TAF1D: variants seen among roughly 807,000 people sequenced by gnomAD.
The protein encoded by TAF1D is TATA-box binding protein associated factor, RNA polymerase I subunit D.
A neutral mutation model predicts 26.2 loss-of-function variants in TAF1D; 23 were observed. The ratio of observed to expected loss-of-function variants is 0.88; its 90% CI spans 0.63 to 1.25. The LOEUF is 1.25. Ranked by LOEUF, TAF1D falls within the 50% of genes most tolerant of loss-of-function variation. TAF1D has a pLI of 0.00. For missense variants in TAF1D, 299 were observed against 322.0 expected (o/e 0.93, Z 0.55); for synonymous variants, 100 against 105.6 (o/e 0.95, Z 0.33).
downstream of TAF1D, chr11:93,732,743 A>G (rs150955054): frequency 2.6e-3 from 584 of 225,448 alleles, 4 homozygotes; most frequent in Middle Eastern, 0.017. Flanking sequence ...CAGATCAGAC[A>G]ACAAACGTCA....
chr11:93,736,415 G>T (rs1481104119), intron 5 of TAF1D, 111 bp from the exon 6 acceptor site: 2 of 1,430,264 alleles, frequency 1.4e-6, no homozygotes, highest in South Asian at 3.1e-5. Flanking sequence ...ACTACATGTA[G>T]ATGTTAAAAA....
At chr11:93,735,171 A>G (rs1940465560), downstream of TAF1D, 2 of 1,351,926 alleles carry the variant, frequency 1.5e-6, no homozygotes, top group African/African-American at 3.0e-5. Flanking sequence ...GTTGCAAAAG[A>G]GGATTTATTT....
At chr11:93,739,169 A>C (rs1230118054) in intron 2 of TAF1D, 68 bp downstream of exon 2, 1 of 1,249,354 alleles carries the variant, frequency 8.0e-7, no homozygotes, top group East Asian at 2.4e-5. Flanking sequence ...AATTATCTTT[A>C]CTGTCACTCA....
At chr11:93,741,182 G>A (rs891878941) in intron 1 of TAF1D, 140 bp downstream of exon 1, 17 of 372,702 alleles carry the variant, frequency 4.6e-5, no homozygotes, top group Non-Finnish European at 7.4e-5. Context: ...AGTGGCCTGC[G>A]GCCGTGATCC....
At chr11:93,734,601 G>T, downstream of TAF1D, 1 of 614,172 alleles carries the variant, frequency 1.6e-6, no homozygotes, top group Non-Finnish European at 2.7e-6. Context: ...CAAATATGAT[G>T]TGAAAACTCA....
rs377714682 is a variant in TAF1D, at chr11:93,738,091, T to C, written c.459+18A>G. The C allele has an allele frequency of 7.2e-6, 11 of 1,532,718 alleles. No individual in the cohort carries two copies. The highest frequency in any genetic ancestry group is 7.0e-5 in the African/African-American group (5 of 71,906). The allele number at this position is 1,532,718 out of a possible 1,614,324, so 94.9% of individuals were successfully genotyped here. The stretch of plus-strand genomic sequence containing the variant: ...ATCTTGAGTTATGTGTAGCCATGTA[T>C]GTAAAATGCTGACTCACCTCAAACG... On this transcript the variant is annotated intron_variant, in intron 3 of 5. Transcript: ENST00000448108.
chr11:93,738,157 T>C lies in TAF1D; in HGVS notation c.411A>G (p.Glu137=). 6.4e-7 allele frequency: 1 copy of C among 1,568,774 alleles called. No individual in the cohort carries two copies. Among genetic ancestry groups the C allele is most frequent in the African/African-American group, 1.4e-5 (1 of 72,074 alleles). Residue 137 remains glutamate (E), a synonymous_variant, in exon 3 of 6, where the codon GAA becomes GAG. Coordinates refer to ENST00000448108, the MANE Select transcript of TAF1D (RefSeq NM_024116.4). ...RSRGSGFPFL[E]SENEKNAPWR... ...AAGGTGCGTTTTTTTCATTCTCTGA[T>C]TCTAAAAATGGGAAGCCAGATCCTC...
chr11:93,739,961 C>CAAAAGAAAA (rs1565245698), intron 1 of TAF1D, among the ~76,000 whole-genome samples: 4 of 82,396 alleles, frequency 4.9e-5, no homozygotes, highest in Admixed American at 1.5e-4. Flanking sequence ...TACAACATAC[C>CAAAAGAAAA]AAAAAAAAAA....
exon 12 of TAF1D, chr11:93,730,291 G>GT (rs1565233694): frequency 6.7e-7 from 1 of 1,500,632 alleles, no homozygotes; most frequent in Non-Finnish European, 9.1e-7. Context: ...TAGTGTAAAG[G>GT]TTTTTTAATT....
chr11:93,737,037 C>T (rs1940948082), intron 4 of TAF1D, 27 bp downstream of exon 4: 1 of 1,534,114 alleles, frequency 6.5e-7, no homozygotes, highest in South Asian at 1.3e-5. Context: ...AACCTATTAC[C>T]AAAGTATTTC....
At position 93,738,145 on chromosome 11, in the gene TAF1D, T is replaced by C. The variant is rs774207047; in HGVS notation, c.423A>G (p.Glu141=). 24 of 1,565,516 alleles carry C rather than the reference T, an allele frequency of 1.5e-5. No homozygotes were observed. The South Asian group carries it at 2.9e-4, about 19-fold the overall frequency. Residue 141 remains glutamate (E), a synonymous_variant, in exon 3 of 6, where the codon GAA becomes GAG. Transcript: ENST00000448108. ...SGFPFLESEN[E]KNAPWRKILT... is the part of the protein sequence containing the mutation. ...AAATTTTTCTCCAAGGTGCGTTTTT[T>C]TCATTCTCTGATTCTAAAAATGGGA...
In TAF1D at chr11:93,738,466, A is replaced by C. The variant is rs1941190110; in HGVS notation, c.102T>G (p.Thr34=). 1 of 1,578,972 alleles carries C rather than the reference A, an allele frequency of 6.3e-7. No individual in the cohort carries two copies. Among genetic ancestry groups the C allele is most frequent in the Admixed American group, 2.0e-5 (1 of 49,424 alleles). ...DNSSDSSLFK[T]QCIPYSPKGE... ...CTTTAGGTGAGTAAGGGATACACTGAGTTTTAAATAAGCTGCTATCAGAAG... is the reference window on the plus strand; with the variant it reads ...CTTTAGGTGAGTAAGGGATACACTGCGTTTTAAATAAGCTGCTATCAGAAG... The change falls in exon 3 of 6, where the codon ACT becomes ACG. Residue 34 remains threonine (T), a synonymous_variant. Transcript: ENST00000448108.
downstream of TAF1D, chr11:93,735,187 A>G: frequency 7.4e-7 from 1 of 1,352,068 alleles, no homozygotes; most frequent in Non-Finnish European, 9.8e-7. Flanking sequence ...TATTTTTTGC[A>G]CCTATCTGTA....
downstream of TAF1D, chr11:93,735,433 A>G: frequency 1.4e-6 from 1 of 698,232 alleles, no homozygotes; most frequent in Non-Finnish European, 1.8e-6. Context: ...CTATAATCCC[A>G]GCATTTTGGG....
intron 1 of TAF1D, among the ~76,000 whole-genome samples, chr11:93,740,803 A>T (rs694699): frequency 0.35 from 53,772 of 151,914 alleles, 10,019 homozygotes; most frequent in South Asian, 0.49. Flanking sequence ...AATTTTTTTT[A>T]AAAGTAGGGA....
chr11:93,735,913 A>G lies in TAF1D; in HGVS notation c.*248T>C. 1 of 1,256,504 alleles carries G rather than the reference A, an allele frequency of 8.0e-7. No homozygotes were observed. Among genetic ancestry groups the G allele is most frequent in the African/African-American group, 1.6e-5 (1 of 63,408 alleles). The allele number at this position is 1,256,504 out of a possible 1,614,324, so 77.8% of individuals were successfully genotyped here. ...CTGTAAGCTCTTATTCAGAAATCAA[A>G]TGACAATTTCTCAAATTTTTCTATG... On this transcript the variant is annotated 3_prime_UTR_variant, in exon 6 of 6. Coordinates refer to ENST00000448108, the MANE Select transcript of TAF1D (RefSeq NM_024116.4).
rs1010315854 is a variant in TAF1D, at chr11:93,741,383, CAA to C, written c.-91_-90del. On this transcript the variant is annotated 5_prime_UTR_variant, in exon 1 of 6. Transcript: ENST00000448108. Reference sequence around the variant, plus strand: ...GCTGCTTGTAACCCAGGCCTCGGCCCAAAACCCGCGACTGGCCTGGTGTCCTA... The same window carrying C: ...GCTGCTTGTAACCCAGGCCTCGGCCCAACCCGCGACTGGCCTGGTGTCCTA... The C allele has an allele frequency of 3.2e-5, 13 of 407,754 alleles. No homozygotes were observed. Among genetic ancestry groups the C allele is most frequent in the Admixed American group, 1.7e-4 (6 of 36,120 alleles). The allele number at this position is 407,754 out of a possible 1,614,324, so 25.3% of individuals were successfully genotyped here.
chr11:93,731,714 A>G (rs751408318), downstream of TAF1D: 3 of 364,084 alleles, frequency 8.2e-6, no homozygotes, highest in Admixed American at 7.5e-5. Flanking sequence ...TATTCAACAA[A>G]ATAACCTGCA....
At chr11:93,734,453 T>G (rs1036302346), downstream of TAF1D, 10 of 338,398 alleles carry the variant, frequency 3.0e-5, no homozygotes, top group Non-Finnish European at 5.3e-5. Flanking sequence ...AAAATGAATC[T>G]GACACATCAC....
Sources: allele counts gnomAD v4.1 joint callset (sites outside exome capture counted in the v4.1 genomes callset), GRCh38; gene constraint gnomAD v4.1.1; transcripts MANE v1.5; gene names NCBI Gene and HGNC (gene_info 2026-07-23, HGNC 2026-07-21).